Variants in SOCS7 observed in about 807,000 individuals in gnomAD.
SOCS7 encodes suppressor of cytokine signaling 7.
A neutral mutation model predicts 58.9 loss-of-function variants in SOCS7; 18 were observed. The observed-to-expected ratio is 0.31, with a 90% CI of 0.21 to 0.45. SOCS7 has a LOEUF of 0.45. Among genes scored for constraint, SOCS7 ranks in the 20% least tolerant of loss-of-function variants. SOCS7 has a pLI of 1.00. For synonymous variants in SOCS7, 388 were observed against 364.3 expected (o/e 1.06, Z -0.74); for missense variants, 667 against 837.3 (o/e 0.80, Z 2.51).
chr17:38,395,264 T>G, intron 7 of SOCS7, 45 bp from the exon 8 acceptor site: 3 of 1,603,460 alleles, frequency 1.9e-6, no homozygotes, highest in Non-Finnish European at 2.6e-6. Flanking sequence ...GGTAGTTAGC[T>G]CCATTGTTTC....
At chr17:38,375,734 A>G (rs1472983170) in intron 6 of SOCS7, 1 of 152,076 alleles carries the variant, frequency 6.6e-6, no homozygotes, top group African/African-American at 2.4e-5. Flanking sequence ...GGGTCAGTTT[A>G]TGTATGTAAA....
Position 38,352,593 on chromosome 17 carries a change from C to G in SOCS7, c.541C>G (p.Leu181Val). 1.3e-6 allele frequency: 2 copies of G among 1,550,074 alleles called. No homozygotes were observed. Among genetic ancestry groups the G allele is most frequent in the Admixed American group, 2.0e-5 (1 of 51,006 alleles). Residue 181 changes from leucine to valine, a missense_variant, in exon 1 of 10, where the codon CTG becomes GTG. Around this residue, in one of 9 missense-constraint regions of SOCS7, gnomAD observed 4 missense variants for 21.6 expected, o/e 0.19. Coordinates refer to ENST00000612932, the MANE Select transcript of SOCS7 (RefSeq NM_014598.4). The surrounding 1 kb of genome is among the most constrained non-coding windows in gnomAD (Gnocchi z 5.5). Reference sequence around the variant, plus strand: ...GGAAACGAGCGACGCGCTGCTGGTCCTGGAGGGCTTGGAATCGGAGGCCGA... The same window carrying G: ...GGAAACGAGCGACGCGCTGCTGGTCGTGGAGGGCTTGGAATCGGAGGCCGA... ...PTETSDALLV[L>V]EGLESEAESL...
In SOCS7 at chr17:38,399,690, C is replaced by T. The variant is rs972115817; in HGVS notation, c.*208C>T. On this transcript the variant is annotated 3_prime_UTR_variant, in exon 10 of 10. Transcript: ENST00000612932. ...CTCTGCGTGGGGCTCCACCTCACAC[C>T]CACCCCTGGGCATCTTAGGACTGGA... 6.6e-6 allele frequency: 1 copy of T among 152,626 alleles called. No homozygotes were observed. Among genetic ancestry groups the T allele is most frequent in the African/African-American group, 2.4e-5 (1 of 41,432 alleles). The allele number at this position is 152,626 out of a possible 1,614,324, so 9.5% of individuals were successfully genotyped here.
intron 9 of SOCS7, among the ~76,000 whole-genome samples, chr17:38,397,420 C>A (rs1178817414): frequency 1.3e-5 from 2 of 152,240 alleles, no homozygotes; most frequent in African/African-American, 4.8e-5. Context: ...CCGGCCTGTT[C>A]CTGATCATGC....
intron 7 of SOCS7, among the ~76,000 whole-genome samples, chr17:38,387,936 A>AT (rs1269257867): frequency 1.3e-5 from 2 of 151,266 alleles, no homozygotes; most frequent in Non-Finnish European, 2.9e-5. Flanking sequence ...CACCTGGCTA[A>AT]TTTTTTTGTA....
chr17:38,381,155 C>T (rs12942150), intron 7 of SOCS7, among the ~76,000 whole-genome samples: 2,290 of 152,190 alleles, frequency 0.015, 56 homozygotes, highest in African/African-American at 0.053. Flanking sequence ...GGTGCACATG[C>T]TCCAGTTGAA....
At position 38,356,644 on chromosome 17, in the gene SOCS7, C is replaced by T. The variant is rs41437848; in HGVS notation, c.980+3612C>T. ...TCTCCCAAAGTGCTGGGATTACAGG[C>T]GTGAGCCACCACGCCCAGCTGACTC... On this transcript the variant is annotated intron_variant, in intron 1 of 9. Coordinates refer to ENST00000612932, the MANE Select transcript of SOCS7 (RefSeq NM_014598.4). 1.9e-3 allele frequency among the ~76,000 whole-genome samples: 292 copies of T among 152,058 alleles called. 3 individuals carry two copies. Among genetic ancestry groups the T allele is most frequent in the African/African-American group, 6.7e-3 (280 of 41,498 alleles).
intron 7 of SOCS7, among the ~76,000 whole-genome samples, chr17:38,388,487 T>C (rs369889086): frequency 1.3e-3 from 194 of 152,150 alleles, no homozygotes; most frequent in African/African-American, 4.5e-3. Flanking sequence ...CCACTGTACT[T>C]CATCCTGGGT....
chr17:38,381,344 A>C (rs1325340844), intron 7 of SOCS7, among the ~76,000 whole-genome samples: 1 of 151,306 alleles, frequency 6.6e-6, no homozygotes, highest in Non-Finnish European at 1.5e-5. Flanking sequence ...ATTTTATTAG[A>C]GGAGACTATT....
chr17:38,367,369 TG>T (rs1216821060), intron 5 of SOCS7, among the ~76,000 whole-genome samples: 1 of 150,840 alleles, frequency 6.6e-6, no homozygotes, highest in African/African-American at 2.4e-5. Context: ...CCAGCCATTT[TG>T]TTTTTTGTTT....
intron 2 of SOCS7, among the ~76,000 whole-genome samples, chr17:38,362,194 T>C (rs1445373753): frequency 6.6e-6 from 1 of 152,240 alleles, no homozygotes; most frequent in Non-Finnish European, 1.5e-5. Context: ...TCTGGTCTAT[T>C]TTTAAAGACT....
At chr17:38,367,625 C>T (rs1316624104) in intron 5 of SOCS7, among the ~76,000 whole-genome samples, 3 of 152,298 alleles carry the variant, frequency 2.0e-5, no homozygotes, top group African/African-American at 7.2e-5. Context: ...CCACCCGCCT[C>T]AGCCTCCCAA....
At position 38,395,910 on chromosome 17, in the gene SOCS7, C is replaced by T. The variant is rs2038239007; in HGVS notation, c.1880C>T (p.Ser627Phe). 6.2e-7 allele frequency: 1 copy of T among 1,611,734 alleles called. No homozygotes were observed. Among genetic ancestry groups the T allele is most frequent in the Admixed American group, 1.7e-5 (1 of 59,382 alleles). ...YYDPQEEVYL[S>F]LKEAQLISKQ... ...GATCCTCAGGAAGAGGTATACCTGT[C>T]TCTAAAGGAAGCGCAGCTCATTTCC... The change falls in exon 9 of 10, where the codon TCT becomes TTT. Residue 627 changes from serine (S) to phenylalanine (F), a missense_variant. Physicochemically the swap from Ser to Phe is radical, Grantham distance 155 (BLOSUM62 -2). Transcript: ENST00000612932.
chr17:38,396,128 T>C, intron 9 of SOCS7, 130 bp downstream of exon 9: 1 of 701,596 alleles, frequency 1.4e-6, no homozygotes, highest in Admixed American at 3.8e-5. Flanking sequence ...GCCCATAGAA[T>C]GACAAGATCT....
intron 1 of SOCS7, among the ~76,000 whole-genome samples, chr17:38,359,997 C>T (rs1485246782): frequency 6.6e-6 from 1 of 151,652 alleles, no homozygotes; most frequent in African/African-American, 2.4e-5. Context: ...AGGCTGGTCA[C>T]GAACTCCTGG....
At chr17:38,387,133 G>GTGTGTATATATATATATATATATA (rs1269515665) in intron 7 of SOCS7, among the ~76,000 whole-genome samples, 2 of 73,490 alleles carry the variant, frequency 2.7e-5, no homozygotes, top group Non-Finnish European at 4.7e-5. Context: ...ATATATGTAT[G>GTGTGTATATATATATATATATATA]TATATATATA....
Position 38,352,779 on chromosome 17 carries a change from G to GAGCAGCAGC in SOCS7, c.744_752dup (p.Gln249_Gln251dup), listed in dbSNP as rs55849419. ...CCCTCTGGGGCGCCTGAGTAGAGGG[G>GAGCAGCAGC]AGCAGCAGCAGCAGCAGCAGCAGCA... is the stretch of plus-strand genomic sequence containing the variant. On this transcript the variant is annotated inframe_insertion, in exon 1 of 10. Transcript: ENST00000612932. This position sits in a 1 kb window ranked among gnomAD's most constrained non-coding sequence, Gnocchi z 5.5. 566 of 1,550,020 alleles carry GAGCAGCAGC rather than the reference G, an allele frequency of 3.7e-4. 2 individuals carry two copies. The African/African-American group carries it at 7.1e-3, about 19-fold the overall frequency.
chr17:38,356,358 G>A (rs1408675383), intron 1 of SOCS7, among the ~76,000 whole-genome samples: 3 of 151,332 alleles, frequency 2.0e-5, no homozygotes, highest in Admixed American at 6.6e-5. Flanking sequence ...TCCAGCCTGG[G>A]CAACAGAGCC....
chr17:38,395,234 G>A, intron 7 of SOCS7, 75 bp from the exon 8 acceptor site: 1 of 1,514,620 alleles, frequency 6.6e-7, no homozygotes, highest in South Asian at 1.2e-5. Flanking sequence ...CCCTCCCTAG[G>A]TTCTCTTCAT....
Sources: allele counts gnomAD v4.1 joint callset (sites outside exome capture counted in the v4.1 genomes callset), GRCh38; gene constraint gnomAD v4.1.1; regional missense constraint gnomAD v4.1.1; non-coding constraint Gnocchi (gnomAD v3.1); transcripts MANE v1.5; gene names NCBI Gene and HGNC (gene_info 2026-07-23, HGNC 2026-07-21).